The following COXFA4L2 variants were observed in gnomAD, a reference collection of about 807,000 sequenced individuals.
COXFA4L2 encodes NADH dehydrogenase (ubiquinone) 1 alpha subcomplex, 4-like 2.
the COXFA4L2 span, chr12:57,237,191 G>A: frequency 6.3e-7 from 1 of 1,599,538 alleles, no homozygotes; most frequent in Non-Finnish European, 8.5e-7. Flanking sequence ...GAGCAGCTTA[G>A]CTTGGCCCAG....
At chr12:57,236,203 C>T in the COXFA4L2 span, 1 of 326,362 alleles carries the variant, frequency 3.1e-6, no homozygotes. Flanking sequence ...CGGACCCTCT[C>T]CGCGGCCGGG....
chr12:57,238,587 ACTGGG>A, the COXFA4L2 span, among the ~76,000 whole-genome samples: 2 of 152,120 alleles, frequency 1.3e-5, no homozygotes, highest in Non-Finnish European at 2.9e-5. This position sits in a 1 kb window ranked among gnomAD's most constrained non-coding sequence, Gnocchi z 6.8. Flanking sequence ...CGGCCGCACA[ACTGGG>A]CTGCACATCT....
chr12:57,235,273 G>GT, the COXFA4L2 span: 1 of 545,356 alleles, frequency 1.8e-6, no homozygotes, highest in African/African-American at 1.9e-5. Flanking sequence ...CGAGGCCCGG[G>GT]TAGGAGGGCA....
chr12:57,240,307 G>C, the COXFA4L2 span: 1 of 152,208 alleles, frequency 6.6e-6, no homozygotes, highest in Non-Finnish European at 1.5e-5. Flanking sequence ...TCCTGGCCGG[G>C]CTTGGGGCAA....
the COXFA4L2 span, chr12:57,235,622 A>C: frequency 6.2e-7 from 1 of 1,614,116 alleles, no homozygotes; most frequent in East Asian, 2.2e-5. Context: ...GCAAGGAACT[A>C]AGAGGAGAGG....
chr12:57,240,727 T>C, the COXFA4L2 span: 7 of 985,248 alleles, frequency 7.1e-6, no homozygotes, highest in South Asian at 4.7e-5. Context: ...TGGCTCTTCC[T>C]GATTTTCACA....
chr12:57,236,997 GAGTT>G, the COXFA4L2 span: 1 of 1,613,824 alleles, frequency 6.2e-7, no homozygotes. Context: ...GGAGAGTTAG[GAGTT>G]AGAGGTTCTG....
chr12:57,236,090 T>A, the COXFA4L2 span: 3 of 392,176 alleles, frequency 7.6e-6, no homozygotes, highest in East Asian at 1.1e-4. Flanking sequence ...CACCCTAGGT[T>A]AACCCTAAGA....
chr12:57,235,681 G>A, the COXFA4L2 span: 54 of 1,612,326 alleles, frequency 3.3e-5, no homozygotes, highest in Middle Eastern at 4.9e-4. Flanking sequence ...CTTCTAGTAC[G>A]GGAGTTGTGG....
chr12:57,236,438 G>T, the COXFA4L2 span: 29 of 603,162 alleles, frequency 4.8e-5, no homozygotes, highest in African/African-American at 5.2e-4. Context: ...GGATACGGGG[G>T]TCTCCCAGGT....
the COXFA4L2 span, chr12:57,236,471 G>A: frequency 1.2e-6 from 1 of 803,560 alleles, no homozygotes; most frequent in Non-Finnish European, 1.9e-6. Flanking sequence ...CCAGCCCTGA[G>A]ATGCCGGTCG....
chr12:57,236,910 C>G, the COXFA4L2 span: 1 of 1,395,132 alleles, frequency 7.2e-7, no homozygotes. Flanking sequence ...ACTGGGGCAA[C>G]CTTAGGGGAA....
At chr12:57,235,517 GGGCTGGCT>G in the COXFA4L2 span, 6 of 1,598,278 alleles carry the variant, frequency 3.8e-6, no homozygotes, top group African/African-American at 6.7e-5. Context: ...AGAAGTGGAT[GGGCTGGCT>G]GGCTGTGGCT....
At chr12:57,239,679 G>A in the COXFA4L2 span, 1 of 153,568 alleles carries the variant, frequency 6.5e-6, no homozygotes, top group Non-Finnish European at 1.4e-5. The surrounding 1 kb of genome is among the most constrained non-coding windows in gnomAD (Gnocchi z 5.5). Flanking sequence ...CTGTCTCTGG[G>A]TATGTCCATC....
At chr12:57,235,514 G>T in the COXFA4L2 span, 2 of 1,595,448 alleles carry the variant, frequency 1.3e-6, no homozygotes, top group Non-Finnish European at 1.7e-6. Context: ...GGAAGAAGTG[G>T]ATGGGCTGGC....
the COXFA4L2 span, among the ~76,000 whole-genome samples, chr12:57,238,339 G>T: frequency 3.3e-5 from 5 of 152,130 alleles, no homozygotes; most frequent in East Asian, 9.7e-4. The surrounding 1 kb of genome is among the most constrained non-coding windows in gnomAD (Gnocchi z 6.8). Flanking sequence ...CCTCACTCCG[G>T]CGGATAATGA....
chr12:57,237,961 T>G, the COXFA4L2 span: 1 of 154,118 alleles, frequency 6.5e-6, no homozygotes, highest in Admixed American at 6.5e-5. Context: ...GATTCCCTCC[T>G]GTCCTCAACC....
chr12:57,237,317 C>T, the COXFA4L2 span: 1 of 1,425,762 alleles, frequency 7.0e-7, no homozygotes, highest in African/African-American at 1.4e-5. Flanking sequence ...CTCCGACTCT[C>T]TCCTCCAGAT....
the COXFA4L2 span, chr12:57,236,376 C>G: frequency 1.4e-5 from 7 of 496,470 alleles, no homozygotes; most frequent in Non-Finnish European, 1.8e-5. Context: ...GCGCGGGTTC[C>G]GCATTTCAGG....
Sources: gnomAD v4.1 joint callset for allele counts (sites outside exome capture counted in the v4.1 genomes callset) on GRCh38, gnomAD v4.1.1 for gene constraint, Gnocchi (gnomAD v3.1) non-coding constraint, MANE v1.5 for transcripts, NCBI Gene and HGNC (gene_info 2026-07-23, HGNC 2026-07-21) for gene names.